The following AHDC1 variants were observed in gnomAD, a reference collection of about 807,000 sequenced individuals.
AHDC1 encodes transcription factor Gibbin.
In AHDC1, 7 loss-of-function variants were observed where a neutral mutation model predicts 87.9. The observed-to-expected ratio is 0.08, with a 90% CI of 0.05 to 0.15. The LOEUF (loss-of-function observed/expected upper bound fraction) is 0.15. Among genes scored for constraint, AHDC1 ranks in the 10% least tolerant of loss-of-function variants. The pLI, the probability that AHDC1 is intolerant of heterozygous loss-of-function variation, is 1.00. For missense variants in AHDC1, 1,841 were observed against 2,253.2 expected, an observed-to-expected ratio of 0.82 and a Z score of 3.70; for synonymous variants, 1,051 against 1,006.8, an observed-to-expected ratio of 1.04 and a Z score of -0.83.
At chr1:27,585,752 C>T (rs1557700980) in intron 3 of AHDC1, among the ~76,000 whole-genome samples, 1 of 152,160 alleles carries the variant, frequency 6.6e-6, no homozygotes, top group African/African-American at 2.4e-5. Flanking sequence ...GACCTAATCC[C>T]CCCACCCTAG....
intron 5 of AHDC1, among the ~76,000 whole-genome samples, chr1:27,554,809 A>G (rs2019746739): frequency 6.6e-6 from 1 of 152,234 alleles, no homozygotes; most frequent in African/African-American, 2.4e-5. Context: ...AGGATAAAGT[A>G]GAAAGAGACA....
chr1:27,603,150 C>A (rs1348535811), intron 3 of AHDC1, among the ~76,000 whole-genome samples: 1 of 144,314 alleles, frequency 6.9e-6, no homozygotes, highest in Non-Finnish European at 1.5e-5. Context: ...AGAACCCCCC[C>A]TCCCCGCCCC....
intron 3 of AHDC1, among the ~76,000 whole-genome samples, chr1:27,564,734 G>C (rs902914393): frequency 1.4e-4 from 21 of 152,146 alleles, no homozygotes; most frequent in Non-Finnish European, 5.9e-5. Context: ...AATCTGATAG[G>C]AGTCCACCAT....
chr1:27,558,460 A>G lies in AHDC1; in HGVS notation c.-380T>C, dbSNP rs926084104. The G allele has an allele frequency of 6.8e-6, 2 of 296,088 alleles. No individual in the cohort carries two copies. Among genetic ancestry groups the G allele is most frequent in the Non-Finnish European group, 1.2e-5 (2 of 161,106 alleles). The allele number at this position is 296,088 out of a possible 1,614,324, so 18.3% of individuals were successfully genotyped here. On this transcript the variant is annotated 5_prime_UTR_variant, in exon 5 of 9. Transcript: ENST00000673934. This position sits in a 1 kb window ranked among gnomAD's most constrained non-coding sequence, Gnocchi z 5.6. ...CTCCTCCCAGTTCTCTCAGGTCATC[A>G]AGGCGCAGGGAAGAGTCCTCAGGCT...
chr1:27,584,879 G>A (rs999542157), intron 3 of AHDC1, among the ~76,000 whole-genome samples: 6 of 152,054 alleles, frequency 3.9e-5, no homozygotes, highest in African/African-American at 1.4e-4. Context: ...AGGGCATCAA[G>A]GGGGCAGGAC....
At position 27,562,105 on chromosome 1, in the gene AHDC1, C is replaced by T. The variant is rs1329942769; in HGVS notation, c.-628-3222G>A. 6.6e-6 allele frequency among the ~76,000 whole-genome samples: 1 copy of T among 151,944 alleles called. No individual in the cohort carries two copies. The highest frequency in any genetic ancestry group is 2.4e-5 in the African/African-American group (1 of 41,348). The stretch of plus-strand genomic sequence containing the variant: ...GGAGCCTGAGAAAGAGGCAGCGAAG[C>T]AGAGGCAGGGTGGGCCGGGGAGAAG... On this transcript the variant is annotated intron_variant, in intron 3 of 8. Transcript: ENST00000673934. The surrounding 1 kb of genome is among the most constrained non-coding windows in gnomAD (Gnocchi z 4.4).
Position 27,572,515 on chromosome 1 carries a change from G to A in AHDC1, c.-628-13632C>T, listed in dbSNP as rs145059696. On this transcript the variant is annotated intron_variant, in intron 3 of 8. Coordinates refer to ENST00000673934, the MANE Select transcript of AHDC1 (RefSeq NM_001371928.1). ...ACAACACTGTTCTGGACAGCTACAC[G>A]TCCGTACCCTAGCCAGCCACACATG... Among the ~76,000 whole-genome samples the A allele has an allele frequency of 1.1e-4, 17 of 152,210 alleles. 1 individual carries two copies. The East Asian group carries it at 1.9e-3, about 17-fold the overall frequency.
At chr1:27,600,870 TC>T (rs1004978597) in intron 3 of AHDC1, among the ~76,000 whole-genome samples, 10 of 150,882 alleles carry the variant, frequency 6.6e-5, no homozygotes, top group Admixed American at 2.0e-4. Context: ...GGTAACAAAG[TC>T]CCCCAGCTCC....
In AHDC1 at chr1:27,598,860, G is replaced by A. The variant is rs1330832647; in HGVS notation, c.-629+4537C>T. On this transcript the variant is annotated intron_variant, in intron 3 of 8. Coordinates refer to ENST00000673934, the MANE Select transcript of AHDC1 (RefSeq NM_001371928.1). This position sits in a 1 kb window ranked among gnomAD's most constrained non-coding sequence, Gnocchi z 4.2. ...CGTCATGACATGAACGCAGAGACCA[G>A]CACCCTACCTTGCACTGGTGACAGC... Among the ~76,000 whole-genome samples, 1 of 152,154 alleles carries A rather than the reference G, an allele frequency of 6.6e-6. No individual in the cohort carries two copies. The highest frequency in any genetic ancestry group is 1.5e-5 in the Non-Finnish European group (1 of 68,024).
chr1:27,541,760 G>A (rs1465476448), intron 8 of AHDC1, among the ~76,000 whole-genome samples: 1 of 151,834 alleles, frequency 6.6e-6, no homozygotes, highest in East Asian at 1.9e-4. Context: ...TTCCCGAGTA[G>A]CTGGCACTAC....
chr1:27,550,985 C>A lies in AHDC1; in HGVS notation c.1131G>T (p.Glu377Asp). 6.3e-7 allele frequency: 1 copy of A among 1,586,218 alleles called. No individual in the cohort carries two copies. Among genetic ancestry groups the A allele is most frequent in the East Asian group, 2.3e-5 (1 of 44,382 alleles). Residue 377 changes from glutamate (E) to aspartate (D), a missense_variant, in exon 8 of 9, where the codon GAG (glutamate) becomes GAT (aspartate). Physicochemically the swap from Glu to Asp is conservative, Grantham distance 45. This residue lies in a region of AHDC1 where 370 missense variants were observed against 391.5 expected (regional missense o/e 0.95). Coordinates refer to ENST00000673934, the MANE Select transcript of AHDC1 (RefSeq NM_001371928.1). ...LCSPHGPPGP[E>D]GHPKYALRRT... is the part of the protein sequence containing the mutation. ...GCCGCAAGGCGTACTTGGGGTGACC[C>A]TCAGGCCCGGGGGGGCCGTGCGGTG...
At chr1:27,559,062 A>T (rs545027768) in intron 3 of AHDC1, among the ~76,000 whole-genome samples, 179 bp from the exon 4 acceptor site, 1 of 152,062 alleles carries the variant, frequency 6.6e-6, no homozygotes, top group Admixed American at 6.5e-5. Flanking sequence ...AAAAAAAATA[A>T]GAGAGACAGG....
intron 3 of AHDC1, among the ~76,000 whole-genome samples, chr1:27,576,099 CAG>C (rs1367761497): frequency 5.9e-5 from 9 of 152,066 alleles, no homozygotes; most frequent in Admixed American, 5.9e-4. Context: ...GCCCCTCCTG[CAG>C]AGAGCACTGG....
Position 27,548,194 on chromosome 1 carries a change from C to T in AHDC1, c.3922G>A (p.Asp1308Asn), listed in dbSNP as rs2148263498. 1 of 1,613,724 alleles carries T rather than the reference C, an allele frequency of 6.2e-7. No homozygotes were observed. The highest frequency in any genetic ancestry group is 1.1e-5 in the South Asian group (1 of 91,088). Residue 1308 changes from aspartate (D) to asparagine (N), a missense_variant, in exon 8 of 9, where the codon GAC becomes AAC. This residue lies in a region of AHDC1 where 505 missense variants were observed against 626.2 expected (regional missense o/e 0.81). Transcript: ENST00000673934. ...TAGTCCAGGCCGAGGTCAGGACTGT[C>T]CTGGAACAGTGGGTTGACTGGCTGT... ...KPQPVNPLFQDSPDLGLDYYS... is the reference protein window; with the variant it reads ...KPQPVNPLFQNSPDLGLDYYS...
intron 3 of AHDC1, among the ~76,000 whole-genome samples, chr1:27,568,793 G>C (rs746732924): frequency 8.6e-5 from 13 of 151,932 alleles, no homozygotes; most frequent in Non-Finnish European, 1.8e-4. Flanking sequence ...GGCGCTCTTC[G>C]TGGGCGGGGA....
intron 3 of AHDC1, among the ~76,000 whole-genome samples, chr1:27,574,331 C>T (rs1248587670): frequency 6.6e-6 from 1 of 152,194 alleles, no homozygotes; most frequent in Non-Finnish European, 1.5e-5. Flanking sequence ...TGGGGGCTAC[C>T]TCTATTCCTC....
chr1:27,549,998 G>A lies in AHDC1; in HGVS notation c.2118C>T (p.Ala706=), dbSNP rs375728461. The A allele has an allele frequency of 1.0e-5, 16 of 1,599,560 alleles. No individual in the cohort carries two copies. Among genetic ancestry groups the A allele is most frequent in the Non-Finnish European group, 1.3e-5 (15 of 1,170,618 alleles). The change falls in exon 8 of 9, where the codon GCC becomes GCT. Residue 706 remains alanine, a synonymous_variant. Coordinates refer to ENST00000673934, the MANE Select transcript of AHDC1 (RefSeq NM_001371928.1). ...EGIGKKKKVV[A]VAAAGVGGPG... ...GGCCCCCGACCCCAGCGGCTGCCAC[G>A]GCCACCACCTTCTTTTTCTTGCCGA...
rs1208219359 is a variant in AHDC1, at chr1:27,534,272, GTTTT to G, written c.*684_*687del. Reference sequence around the variant, plus strand: ...GGTTTTTTTTTTTTGTTTTTTTTTTGTTTTTTTTTTGCTTTTTTTCATTTCTTTT... The same window carrying G: ...GGTTTTTTTTTTTTGTTTTTTTTTTGTTTTTTGCTTTTTTTCATTTCTTTT... On this transcript the variant is annotated 3_prime_UTR_variant, in exon 9 of 9. Coordinates refer to ENST00000673934, the MANE Select transcript of AHDC1 (RefSeq NM_001371928.1). 1 of 79,098 alleles carries G rather than the reference GTTTT, an allele frequency of 1.3e-5. No homozygotes were observed. Among genetic ancestry groups the G allele is most frequent in the Non-Finnish European group, 2.7e-5 (1 of 37,342 alleles). The allele number at this position is 79,098 out of a possible 1,614,324, so 4.9% of individuals were successfully genotyped here. A position where few individuals can be genotyped will look rare whatever the true frequency, so the allele number is the denominator to read the frequency against.
chr1:27,587,789 C>T (rs1286849609), intron 3 of AHDC1, among the ~76,000 whole-genome samples: 1 of 152,192 alleles, frequency 6.6e-6, no homozygotes, highest in African/African-American at 2.4e-5. Context: ...ACAAGCCCAA[C>T]ACCTGTACTA....
Sources: gnomAD v4.1 joint callset for allele counts (sites outside exome capture counted in the v4.1 genomes callset) on GRCh38, gnomAD v4.1.1 for gene constraint, gnomAD v4.1.1 regional missense constraint, Gnocchi (gnomAD v3.1) non-coding constraint, MANE v1.5 for transcripts, NCBI Gene and HGNC (gene_info 2026-07-23, HGNC 2026-07-21) for gene names.